Variants in STPG4 observed in about 807,000 individuals in gnomAD.
STPG4 encodes the protein sperm-tail PG-rich repeat containing 4, also known as protein STPG4.
A neutral mutation model predicts 31.5 loss-of-function variants in STPG4; 41 were observed. The observed-to-expected ratio is 1.30, with a 90% CI of 1.01 to 1.69. STPG4 has a LOEUF of 1.69. Ranked by LOEUF, STPG4 falls within the 40% of genes most tolerant of loss-of-function variation. The pLI is 0.00. For synonymous variants in STPG4, 141 were observed against 103.0 expected (o/e 1.37, Z -2.24); for missense variants, 375 against 293.4 (o/e 1.28, Z -2.03).
At chr2:47,094,043 T>C (rs1314478276) in intron 5 of STPG4, among the ~76,000 whole-genome samples, 1 of 152,214 alleles carries the variant, frequency 6.6e-6, no homozygotes, top group Non-Finnish European at 1.5e-5. Flanking sequence ...ATTTGAACCA[T>C]GTTCTCCTCT....
intron 5 of STPG4, among the ~76,000 whole-genome samples, chr2:47,099,650 G>A (rs1423647163): frequency 6.6e-6 from 1 of 152,266 alleles, no homozygotes; most frequent in Non-Finnish European, 1.5e-5. Flanking sequence ...GAGCCCTTCA[G>A]CCCACCGCTG....
intron 5 of STPG4, among the ~76,000 whole-genome samples, chr2:47,107,519 G>A (rs982398532): frequency 6.6e-6 from 1 of 152,172 alleles, no homozygotes; most frequent in Non-Finnish European, 1.5e-5. Flanking sequence ...CCTTCCCAAG[G>A]GGCAGGGCTC....
rs191660994 is a variant in STPG4, at chr2:47,151,338, G to C, written c.319C>G (p.Leu107Val). The C allele has an allele frequency of 3.7e-6, 6 of 1,614,172 alleles. No homozygotes were observed. Among genetic ancestry groups the C allele is most frequent in the Middle Eastern group, 3.3e-4 (2 of 6,060 alleles). ...PQYMPPDFLD[L>V]LKKQVATYSF... is the part of the protein sequence containing the mutation. ...TAAGTAGCCACTTGCTTCTTTAACA[G>C]GTCCAGGAAGTCAGGAGGCATATAC... The change falls in exon 3 of 7, where the codon CTG becomes GTG. Residue 107 changes from leucine (L) to valine (V), a missense_variant. Leu to Val is a conservative substitution (Grantham distance 32, BLOSUM62 1). Coordinates refer to ENST00000445927, the MANE Select transcript of STPG4 (RefSeq NM_001163561.2).
intron 6 of STPG4, among the ~76,000 whole-genome samples, chr2:47,088,958 C>T (rs943844309): frequency 2.0e-5 from 3 of 152,178 alleles, no homozygotes; most frequent in African/African-American, 7.2e-5. Context: ...CGGGAGGCTG[C>T]TGGTTGGGGT....
At chr2:47,116,066 G>C (rs1174472565) in intron 5 of STPG4, among the ~76,000 whole-genome samples, 2 of 152,160 alleles carry the variant, frequency 1.3e-5, no homozygotes, top group East Asian at 3.8e-4. Context: ...CCTAAGTGTT[G>C]GGATATAGTG....
chr2:47,148,366 C>A (rs941312872), intron 3 of STPG4, among the ~76,000 whole-genome samples: 1 of 151,824 alleles, frequency 6.6e-6, no homozygotes, highest in African/African-American at 2.4e-5. Context: ...GTACCCCAAA[C>A]CTCAGCATCA....
At chr2:47,143,165 T>C (rs1686751207) in intron 3 of STPG4, among the ~76,000 whole-genome samples, 1 of 152,178 alleles carries the variant, frequency 6.6e-6, no homozygotes, top group Admixed American at 6.5e-5. Flanking sequence ...ATGTCATTTG[T>C]ATGGGTGTAT....
chr2:47,104,838 G>A (rs6716535), intron 5 of STPG4, among the ~76,000 whole-genome samples: 40,374 of 151,878 alleles, frequency 0.27, 6,175 homozygotes, highest in African/African-American at 0.37. Context: ...TTTGCCTACA[G>A]CAGGTCAAAT....
intron 5 of STPG4, among the ~76,000 whole-genome samples, chr2:47,122,210 A>G (rs997139216): frequency 2.0e-5 from 3 of 152,144 alleles, no homozygotes; most frequent in African/African-American, 7.2e-5. Flanking sequence ...ATAGATTGTT[A>G]TGATAATTTT....
At chr2:47,122,568 T>A (rs918981396) in intron 5 of STPG4, among the ~76,000 whole-genome samples, 1 of 152,042 alleles carries the variant, frequency 6.6e-6, no homozygotes, top group South Asian at 2.1e-4. Flanking sequence ...ACATATCTTT[T>A]CCTTTCCCTA....
At chr2:47,112,433 A>C (rs924518855) in intron 5 of STPG4, among the ~76,000 whole-genome samples, 6 of 151,514 alleles carry the variant, frequency 4.0e-5, no homozygotes, top group African/African-American at 1.5e-4. Flanking sequence ...GGCCTCCCAA[A>C]GTGCTGGATT....
At chr2:47,134,687 G>T (rs1296606736) in intron 3 of STPG4, among the ~76,000 whole-genome samples, 1 of 152,208 alleles carries the variant, frequency 6.6e-6, no homozygotes, top group African/African-American at 2.4e-5. Flanking sequence ...GCTTTTGGGT[G>T]GGTGTAAGCT....
Position 47,106,785 on chromosome 2 carries a change from G to T in STPG4, c.520-16411C>A, listed in dbSNP as rs563534527. Among the ~76,000 whole-genome samples, 14 of 152,092 alleles carry T rather than the reference G, an allele frequency of 9.2e-5. No homozygotes were observed. In the South Asian group the frequency reaches 2.9e-3, roughly 32 times the overall value. ...GGCTTCTCCCCTTTCTAGGTCCCTT[G>T]GCAGCCATCTTGCTGTTACTAGCCT... On this transcript the variant is annotated intron_variant, in intron 5 of 6. Transcript: ENST00000445927.
intron 5 of STPG4, among the ~76,000 whole-genome samples, chr2:47,117,413 T>C (rs141582136): frequency 0.025 from 3,812 of 152,284 alleles, 172 homozygotes; most frequent in African/African-American, 0.087. Flanking sequence ...TTCTCCATGT[T>C]GGTCAGGCTG....
chr2:47,094,688 G>A (rs1685635610), intron 5 of STPG4, among the ~76,000 whole-genome samples: 1 of 152,192 alleles, frequency 6.6e-6, no homozygotes, highest in African/African-American at 2.4e-5. Context: ...TGCCAAACCA[G>A]GCTCTGGTGT....
intron 3 of STPG4, among the ~76,000 whole-genome samples, chr2:47,146,758 G>A (rs1309339096): frequency 6.6e-6 from 1 of 152,106 alleles, no homozygotes; most frequent in Admixed American, 6.6e-5. Flanking sequence ...CCAAGATGGA[G>A]ATGAGGGAAG....
intron 5 of STPG4, among the ~76,000 whole-genome samples, chr2:47,112,120 C>A (rs915356109): frequency 6.6e-6 from 1 of 152,108 alleles, no homozygotes; most frequent in Non-Finnish European, 1.5e-5. Context: ...TTCATATGGT[C>A]ATTATTCATT....
chr2:47,096,657 C>A (rs796709522), intron 5 of STPG4, among the ~76,000 whole-genome samples: 15 of 152,228 alleles, frequency 9.9e-5, no homozygotes, highest in African/African-American at 3.6e-4. Context: ...TGTGTCAAAC[C>A]TCATTAAAAC....
chr2:47,089,321 G>A (rs1477318494), intron 6 of STPG4, among the ~76,000 whole-genome samples: 1 of 152,168 alleles, frequency 6.6e-6, no homozygotes, highest in African/African-American at 2.4e-5. Flanking sequence ...TATCACTCTA[G>A]ATAAAGGCTG....
Sources: allele counts gnomAD v4.1 joint callset (sites outside exome capture counted in the v4.1 genomes callset), GRCh38; gene constraint gnomAD v4.1.1; transcripts MANE v1.5; gene names NCBI Gene and HGNC (gene_info 2026-07-23, HGNC 2026-07-21).